GRIA1: variants seen among roughly 807,000 people sequenced by gnomAD.
GRIA1 encodes the protein glutamate ionotropic receptor AMPA type subunit 1, also known as glutamate receptor 1.
GRIA1 carries 31 observed loss-of-function variants against 99.2 expected under a neutral mutation model. The ratio of observed to expected loss-of-function variants is 0.31; its 90% CI spans 0.23 to 0.42. The LOEUF (loss-of-function observed/expected upper bound fraction) is 0.42. GRIA1 is among the 10% of genes least tolerant of loss of function. The pLI, the probability that GRIA1 is intolerant of heterozygous loss-of-function variation, is 1.00. For missense variants in GRIA1, 782 were observed against 1,157.5 expected, an observed-to-expected ratio of 0.68 and a Z score of 4.71; for synonymous variants, 438 against 432.4, an observed-to-expected ratio of 1.01 and a Z score of -0.16.
At chr5:153,500,570 T>TTCTCTC (rs3064315) in intron 2 of GRIA1, among the ~76,000 whole-genome samples, 1 of 129,156 alleles carries the variant, frequency 7.7e-6, no homozygotes, top group Non-Finnish European at 1.6e-5. Flanking sequence ...CTGCCTCTCT[T>TTCTCTC]TCTCTCTCTC....
rs1268141016 is a variant in GRIA1, at chr5:153,798,977, G to A, written c.2386-3379G>A. 3.3e-5 allele frequency among the ~76,000 whole-genome samples: 5 copies of A among 152,110 alleles called. No homozygotes were observed. In the East Asian group the frequency reaches 5.8e-4, roughly 18 times the overall value. On this transcript the variant is annotated intron_variant, in intron 14 of 15. Transcript: ENST00000285900. ...TCGTCACCATAGCAACAAGCCCAGC[G>A]ATTCTGCAAGACAGGAGTTATATTT... is the stretch of plus-strand genomic sequence containing the variant.
intron 11 of GRIA1, among the ~76,000 whole-genome samples, chr5:153,758,841 A>G (rs1762996208): frequency 6.6e-6 from 1 of 151,994 alleles, no homozygotes; most frequent in African/African-American, 2.4e-5. Flanking sequence ...ATATATCACA[A>G]TACAAAACAA....
At chr5:153,676,958 T>G in intron 6 of GRIA1, 36 bp from the exon 7 acceptor site, 1 of 1,347,900 alleles carries the variant, frequency 7.4e-7, no homozygotes, top group Non-Finnish European at 9.6e-7. Context: ...CTGTCAGCTC[T>G]CTTTGATACC....
chr5:153,561,220 C>T (rs1191343030), intron 2 of GRIA1, among the ~76,000 whole-genome samples: 1 of 152,204 alleles, frequency 6.6e-6, no homozygotes, highest in Non-Finnish European at 1.5e-5. Flanking sequence ...AGTATCTTCT[C>T]TGTGCCATTT....
chr5:153,607,065 A>ATATATATATATATATATATATATATG (rs1349350277), intron 2 of GRIA1, among the ~76,000 whole-genome samples: 39 of 147,428 alleles, frequency 2.6e-4, no homozygotes, highest in African/African-American at 8.9e-4. Context: ...ATATATATAT[A>ATATATATATATATATATATATATATG]TATAATCACA....
chr5:153,647,449 G>A (rs1561725508), intron 3 of GRIA1, among the ~76,000 whole-genome samples: 1 of 152,168 alleles, frequency 6.6e-6, no homozygotes, highest in Non-Finnish European at 1.5e-5. Flanking sequence ...AGACTTTGGA[G>A]TCAGGCAGAT....
At chr5:153,766,312 T>C (rs1413314537) in intron 12 of GRIA1, among the ~76,000 whole-genome samples, 2 of 152,160 alleles carry the variant, frequency 1.3e-5, no homozygotes, top group South Asian at 4.1e-4. Context: ...ATTTTTAGCC[T>C]GCAACAAAAG....
intron 11 of GRIA1, among the ~76,000 whole-genome samples, chr5:153,709,490 G>A (rs1413894751): frequency 6.6e-6 from 1 of 152,130 alleles, no homozygotes; most frequent in Non-Finnish European, 1.5e-5. Flanking sequence ...GTAATTGTCT[G>A]CAAATAACAT....
chr5:153,700,136 G>C (rs1489190797), intron 10 of GRIA1, among the ~76,000 whole-genome samples: 1 of 152,208 alleles, frequency 6.6e-6, no homozygotes, highest in Non-Finnish European at 1.5e-5. Context: ...TATAATCCCA[G>C]CACCTTGGGA....
At chr5:153,732,047 C>T (rs1046362592) in intron 11 of GRIA1, among the ~76,000 whole-genome samples, 12 of 152,190 alleles carry the variant, frequency 7.9e-5, no homozygotes, top group African/African-American at 2.9e-4. Context: ...CCAGGTTCAA[C>T]CATTCTGTCA....
chr5:153,794,544 C>A, intron 13 of GRIA1, 77 bp from the exon 14 acceptor site: 1 of 977,830 alleles, frequency 1.0e-6, no homozygotes, highest in Non-Finnish European at 1.6e-6. Flanking sequence ...AGCTGATTCA[C>A]CGATCCCTTG....
At position 153,585,604 on chromosome 5, in the gene GRIA1, C is replaced by G. The variant is rs62384382; in HGVS notation, c.221-61324C>G. On this transcript the variant is annotated intron_variant, in intron 2 of 15. Transcript: ENST00000285900. ...GATTACAGGTGTGAGCCACTGTGCC[C>G]GGCCCCTGTCCTCATTTCTTATGCT... Among the ~76,000 whole-genome samples, 3 of 151,816 alleles carry G rather than the reference C, an allele frequency of 2.0e-5. No individual in the cohort carries two copies. In the East Asian group the frequency reaches 5.8e-4, roughly 29 times the overall value.
intron 2 of GRIA1, among the ~76,000 whole-genome samples, chr5:153,613,509 C>T (rs112960135): frequency 9.4e-4 from 143 of 152,278 alleles, no homozygotes; most frequent in African/African-American, 3.1e-3. Flanking sequence ...CATTTTATTT[C>T]CAGGCTTCAT....
intron 2 of GRIA1, among the ~76,000 whole-genome samples, chr5:153,613,476 C>T (rs56962192): frequency 0.022 from 3,304 of 152,288 alleles, 133 homozygotes; most frequent in African/African-American, 0.076. Context: ...GGTACTGGGT[C>T]TGTATCTGAG....
chr5:153,798,052 G>C (rs550350882), intron 14 of GRIA1, among the ~76,000 whole-genome samples: 1 of 152,204 alleles, frequency 6.6e-6, no homozygotes, highest in Non-Finnish European at 1.5e-5. Context: ...ATTTGGTCCA[G>C]TTCTGTGTTC....
intron 2 of GRIA1, among the ~76,000 whole-genome samples, chr5:153,598,670 T>G (rs970003433): frequency 6.6e-6 from 1 of 152,140 alleles, no homozygotes; most frequent in African/African-American, 2.4e-5. Context: ...TCTTAGGAAT[T>G]TCTTGTTTCT....
chr5:153,722,027 G>C (rs917456779), intron 11 of GRIA1, among the ~76,000 whole-genome samples: 6 of 152,188 alleles, frequency 3.9e-5, no homozygotes, highest in Non-Finnish European at 5.9e-5. Flanking sequence ...AAGTAGATGA[G>C]TTGTAGGATC....
chr5:153,801,659 G>C (rs939634182), intron 14 of GRIA1, among the ~76,000 whole-genome samples: 2 of 152,246 alleles, frequency 1.3e-5, no homozygotes, highest in East Asian at 1.9e-4. Flanking sequence ...ACAGAAAAAT[G>C]ATATCAATTA....
chr5:153,512,220 C>T (rs1756159556), intron 2 of GRIA1, among the ~76,000 whole-genome samples: 1 of 152,132 alleles, frequency 6.6e-6, no homozygotes, highest in African/African-American at 2.4e-5. Context: ...ACTGAGGGAA[C>T]CAAATCTATT....
Sources: gnomAD v4.1 joint callset for allele counts (sites outside exome capture counted in the v4.1 genomes callset) on GRCh38, gnomAD v4.1.1 for gene constraint, MANE v1.5 for transcripts, NCBI Gene and HGNC (gene_info 2026-07-23, HGNC 2026-07-21) for gene names.